CCDC88A: variants seen among roughly 807,000 people sequenced by gnomAD.
CCDC88A encodes the protein coiled-coil and HOOK domain protein 88A, also known as girdin.
In CCDC88A, 54 loss-of-function variants were observed where a neutral mutation model predicts 234.3. The ratio of observed to expected loss-of-function variants is 0.23; its 90% confidence interval spans 0.19 to 0.29. The LOEUF is 0.29. CCDC88A is among the 10% of genes least tolerant of loss of function. The pLI, the probability that CCDC88A is intolerant of heterozygous loss-of-function variation, is 1.00. For missense variants in CCDC88A, 1,832 were observed against 2,123.4 expected (o/e 0.86, Z 2.70); for synonymous variants, 753 against 737.8 (o/e 1.02, Z -0.33).
rs758408359 is a variant in CCDC88A, at chr2:55,301,288, T to C, written c.4673-11A>G. 3 of 1,408,278 alleles carry C rather than the reference T, an allele frequency of 2.1e-6. No individual in the cohort carries two copies. The highest frequency in any genetic ancestry group is 1.2e-5 in the South Asian group (1 of 80,270). 87.2% of individuals were successfully genotyped at this position (1,408,278 alleles called of 1,614,324 possible). ...CAAAGGATGTAGTATCTACATAAAATAGCAAAATGGATATAAAGATATTTT... is the reference window on the plus strand; with the variant it reads ...CAAAGGATGTAGTATCTACATAAAACAGCAAAATGGATATAAAGATATTTT... On this transcript the variant is annotated splice_polypyrimidine_tract_variant and intron_variant, in intron 27 of 32. Transcript: ENST00000436346.
rs2104723379 is a variant in CCDC88A, at chr2:55,344,361, A to C, written c.1188+7T>G. 1 of 1,563,476 alleles carries C rather than the reference A, an allele frequency of 6.4e-7. No homozygotes were observed. The highest frequency in any genetic ancestry group is 1.2e-5 in the South Asian group (1 of 81,124). ...GCCATGTAACTGATCTACCTCTTAA[A>C]ACTTACCATTTCCATATCATGAAGT... On this transcript the variant is annotated splice_region_variant and intron_variant, in intron 11 of 32. Coordinates refer to ENST00000436346, the MANE Select transcript of CCDC88A (RefSeq NM_001365480.1).
intron 8 of CCDC88A, among the ~76,000 whole-genome samples, chr2:55,352,877 G>C (rs1670075322): frequency 6.6e-6 from 1 of 152,016 alleles, no homozygotes. Context: ...TTGGTATAAG[G>C]CAACCTGCTG....
At position 55,334,943 on chromosome 2, in the gene CCDC88A, T is replaced by G; in HGVS notation, c.1878A>C (p.Arg626=). The change falls in exon 15 of 33, where the codon CGA becomes CGC. Residue 626 remains arginine (R), a synonymous_variant. Transcript: ENST00000436346. This position sits in a 1 kb window ranked among gnomAD's most constrained non-coding sequence, Gnocchi z 6.1. Reference sequence around the variant, plus strand: ...GCAATTCATTTTCAAGTTCTTCAGCTCGTTCTCCTTTTTCTTTATAATGTT... The same window carrying G: ...GCAATTCATTTTCAAGTTCTTCAGCGCGTTCTCCTTTTTCTTTATAATGTT... ...ELEHYKEKGE[R]AEELENELHH... The G allele has an allele frequency of 6.4e-7, 1 of 1,554,770 alleles. No individual in the cohort carries two copies. Among genetic ancestry groups the G allele is most frequent in the Non-Finnish European group, 8.7e-7 (1 of 1,143,558 alleles).
chr2:55,370,785 A>C (rs1183465656), intron 5 of CCDC88A, among the ~76,000 whole-genome samples: 1 of 151,352 alleles, frequency 6.6e-6, no homozygotes, highest in Non-Finnish European at 1.5e-5. Context: ...AGGCAGGAAG[A>C]TCACTTGAGG....
intron 31 of CCDC88A, chr2:55,294,982 T>C (rs1367112210): frequency 4.2e-6 from 5 of 1,198,994 alleles, no homozygotes; most frequent in Non-Finnish European, 5.3e-6. Context: ...AAATGATATT[T>C]TGTTAACAGC....
intron 2 of CCDC88A, chr2:55,418,075 A>G (rs1681769560): frequency 2.0e-5 from 3 of 152,156 alleles, no homozygotes; most frequent in African/African-American, 7.2e-5. Context: ...ATATACTTTC[A>G]CTATTCAATT....
chr2:55,314,810 A>T (rs895759172), intron 22 of CCDC88A: 1 of 152,302 alleles, frequency 6.6e-6, no homozygotes, highest in Non-Finnish European at 1.5e-5. Flanking sequence ...ATTGTATTCC[A>T]GAAACACCTG....
intron 26 of CCDC88A, among the ~76,000 whole-genome samples, chr2:55,302,415 T>G (rs1258301404): frequency 1.3e-5 from 2 of 152,206 alleles, no homozygotes; most frequent in Non-Finnish European, 2.9e-5. Context: ...AAAAATGGAA[T>G]GAATAAAGGT....
chr2:55,369,555 C>T (rs3099075), intron 5 of CCDC88A, among the ~76,000 whole-genome samples: 10 of 151,138 alleles, frequency 6.6e-5, no homozygotes, highest in African/African-American at 2.4e-4. Flanking sequence ...AGGTTCAAAC[C>T]GTTCTCCTGT....
At position 55,332,134 on chromosome 2, in the gene CCDC88A, T is replaced by G. The variant is rs2104680963; in HGVS notation, c.2855+432A>C. 1 of 153,614 alleles carries G rather than the reference T, an allele frequency of 6.5e-6. No homozygotes were observed. The highest frequency in any genetic ancestry group is 2.4e-5 in the African/African-American group (1 of 41,572). The allele number at this position is 153,614 out of a possible 1,614,324, so 9.5% of individuals were successfully genotyped here. A position where few individuals can be genotyped will look rare whatever the true frequency, so the allele number is the denominator to read the frequency against. Reference sequence around the variant, plus strand: ...TACAGAACTTTCTTTTTTTTTCTTTTTGAGATGGAGTTTCGCTCTTGTTGC... The same window carrying G: ...TACAGAACTTTCTTTTTTTTTCTTTGTGAGATGGAGTTTCGCTCTTGTTGC... On this transcript the variant is annotated intron_variant, in intron 16 of 32. Coordinates refer to ENST00000436346, the MANE Select transcript of CCDC88A (RefSeq NM_001365480.1). The surrounding 1 kb of genome is among the most constrained non-coding windows in gnomAD (Gnocchi z 4.5).
chr2:55,343,070 T>C (rs1668702587), intron 12 of CCDC88A, among the ~76,000 whole-genome samples: 1 of 152,144 alleles, frequency 6.6e-6, no homozygotes, highest in Admixed American at 6.5e-5. Flanking sequence ...CAAGTCAATG[T>C]GAAGCCCAGG....
intron 2 of CCDC88A, among the ~76,000 whole-genome samples, chr2:55,391,699 T>A (rs1161481301): frequency 1.3e-5 from 2 of 152,100 alleles, no homozygotes; most frequent in Non-Finnish European, 2.9e-5. Flanking sequence ...TTGAAGACAT[T>A]ACAATAAAAA....
chr2:55,336,092 G>C (rs1685433819), intron 14 of CCDC88A, among the ~76,000 whole-genome samples: 1 of 152,070 alleles, frequency 6.6e-6, no homozygotes, highest in African/African-American at 2.4e-5. Context: ...TGTAGTCCCA[G>C]CTAAGGTGAA....
In CCDC88A at chr2:55,407,956, G is replaced by C. The variant is rs185398997; in HGVS notation, c.164+10860C>G. ...TGGTCTCGAACTTCTGACCTCAAGT[G>C]ATCCACCTGCCTCGGCCTCCCAAAG... On this transcript the variant is annotated intron_variant, in intron 2 of 32. Coordinates refer to ENST00000436346, the MANE Select transcript of CCDC88A (RefSeq NM_001365480.1). 9.4e-4 allele frequency among the ~76,000 whole-genome samples: 143 copies of C among 151,782 alleles called. 1 individual carries two copies. Among genetic ancestry groups the C allele is most frequent in the African/African-American group, 3.3e-3 (135 of 41,332 alleles).
At chr2:55,295,273 C>T in intron 31 of CCDC88A, 1 of 1,387,398 alleles carries the variant, frequency 7.2e-7, no homozygotes, top group Non-Finnish European at 9.6e-7. Context: ...GAAGCCTGGT[C>T]AGTTATTCTG....
chr2:55,400,686 T>C (rs1416510369), intron 2 of CCDC88A, among the ~76,000 whole-genome samples: 2 of 152,232 alleles, frequency 1.3e-5, no homozygotes, highest in African/African-American at 2.4e-5. Flanking sequence ...TACTTATTCA[T>C]TAACTAATAT....
At chr2:55,365,998 T>C (rs762868573) in intron 5 of CCDC88A, among the ~76,000 whole-genome samples, 2 of 152,184 alleles carry the variant, frequency 1.3e-5, no homozygotes, top group Non-Finnish European at 2.9e-5. Context: ...GCTACTGTAT[T>C]GAATAGGCCA....
At chr2:55,375,277 A>T (rs1673448329) in intron 3 of CCDC88A, among the ~76,000 whole-genome samples, 1 of 151,912 alleles carries the variant, frequency 6.6e-6, no homozygotes, top group African/African-American at 2.4e-5. Context: ...TTCAAGTCAA[A>T]ATGGTCTAAT....
At chr2:55,417,666 T>G (rs1003835386) in intron 2 of CCDC88A, 11 of 152,068 alleles carry the variant, frequency 7.2e-5, no homozygotes, top group South Asian at 4.1e-4. Flanking sequence ...CCCTGTAGGA[T>G]CAACATGTAC....
Sources: gnomAD v4.1 joint callset for allele counts (sites outside exome capture counted in the v4.1 genomes callset) on GRCh38, gnomAD v4.1.1 for gene constraint, Gnocchi (gnomAD v3.1) non-coding constraint, MANE v1.5 for transcripts, NCBI Gene and HGNC (gene_info 2026-07-23, HGNC 2026-07-21) for gene names.